Variants in USP32 observed in about 807,000 individuals in gnomAD.
The protein encoded by USP32 is ubiquitin carboxyl-terminal hydrolase 32.
In USP32, 59 loss-of-function variants were observed where a neutral mutation model predicts 204.8. The observed-to-expected ratio is 0.29, with a 90% CI of 0.23 to 0.36. The LOEUF (loss-of-function observed/expected upper bound fraction) is 0.36, where lower values mean the gene tolerates loss of function less well. USP32 is among the 10% of genes least tolerant of loss of function. USP32 has a pLI of 1.00. For synonymous variants in USP32, 517 were observed against 678.4 expected, an observed-to-expected ratio of 0.76 and a Z score of 3.70; for missense variants, 1,160 against 1,946.4, an observed-to-expected ratio of 0.60 and a Z score of 7.60.
At chr17:60,234,001 G>A (rs1054516679) in intron 12 of USP32, among the ~76,000 whole-genome samples, 4 of 152,094 alleles carry the variant, frequency 2.6e-5, no homozygotes, top group African/African-American at 4.8e-5. Context: ...CCAAACTGGA[G>A]TGTAGTGGTG....
chr17:60,294,682 C>A lies in USP32; in HGVS notation c.411+1G>T. The A allele has an allele frequency of 6.3e-7, 1 of 1,584,518 alleles. No homozygotes were observed. Among genetic ancestry groups the A allele is most frequent in the Non-Finnish European group, 8.6e-7 (1 of 1,158,516 alleles). The stretch of plus-strand genomic sequence containing the variant: ...GATAAAATGTAAATCTTTAACTATA[C>A]CTCTGAGAAACACTTCCTGAGTGTA... On this transcript the variant is annotated splice_donor_variant, in intron 4 of 33. Coordinates refer to ENST00000300896, the MANE Select transcript of USP32 (RefSeq NM_032582.4). LOFTEE classifies it high-confidence loss of function.
chr17:60,208,746 T>A lies in USP32; in HGVS notation c.2681A>T (p.Lys894Met). The stretch of plus-strand genomic sequence containing the variant: ...TCGGACACTTATATGCCCACATGTC[T>A]TGCATTTTACTTGAGATCTTAGCTG... Reference protein sequence around the residue: ...HGQLRSQVKCKTCGHISVRFD... With the variant: ...HGQLRSQVKCMTCGHISVRFD... Residue 894 changes from lysine to methionine, a missense_variant, in exon 23 of 34, where the codon AAG (lysine) becomes ATG (methionine). Physicochemically the swap from Lys to Met is moderately conservative, Grantham distance 95. Around this residue, in one of 8 missense-constraint regions of USP32, gnomAD observed 132 missense variants for 432.8 expected, o/e 0.30. Coordinates refer to ENST00000300896, the MANE Select transcript of USP32 (RefSeq NM_032582.4). 6.2e-7 allele frequency: 1 copy of A among 1,606,456 alleles called. No individual in the cohort carries two copies. Among genetic ancestry groups the A allele is most frequent in the Non-Finnish European group, 8.5e-7 (1 of 1,177,430 alleles).
At chr17:60,395,416 G>C (rs1483706812), upstream of USP32, among the ~76,000 whole-genome samples, 2 of 152,132 alleles carry the variant, frequency 1.3e-5, no homozygotes, top group Non-Finnish European at 2.9e-5. Context: ...GTGTCTGATG[G>C]GAATTTTAAG....
intron 26 of USP32, among the ~76,000 whole-genome samples, chr17:60,199,377 A>C (rs759072707): frequency 7.2e-5 from 11 of 152,152 alleles, no homozygotes; most frequent in Non-Finnish European, 1.5e-4. Context: ...ATTTGCTTTG[A>C]GTACGTTAAA....
chr17:60,357,830 G>A (rs190197829), intron 1 of USP32, among the ~76,000 whole-genome samples: 15 of 151,942 alleles, frequency 9.9e-5, no homozygotes, highest in African/African-American at 3.1e-4. Flanking sequence ...GTGCAATGGC[G>A]CAATCTCAAC....
intron 25 of USP32, among the ~76,000 whole-genome samples, chr17:60,206,106 C>G (rs2084818661): frequency 6.6e-6 from 1 of 150,752 alleles, no homozygotes; most frequent in African/African-American, 2.5e-5. Context: ...ATCCCTTGAA[C>G]CCAGGAGCTA....
At chr17:60,297,456 T>C (rs1331282758) in intron 3 of USP32, among the ~76,000 whole-genome samples, 1 of 151,830 alleles carries the variant, frequency 6.6e-6, no homozygotes, top group Non-Finnish European at 1.5e-5. Flanking sequence ...TCTTTTTTTT[T>C]TTTTCTTTTT....
intron 29 of USP32, among the ~76,000 whole-genome samples, chr17:60,186,756 G>A (rs2084262327): frequency 6.6e-6 from 1 of 152,176 alleles, no homozygotes; most frequent in East Asian, 1.9e-4. Context: ...TGGGGGTGGT[G>A]TAGAATGAAG....
chr17:60,187,319 A>G (rs979768747), intron 29 of USP32, among the ~76,000 whole-genome samples: 1 of 152,220 alleles, frequency 6.6e-6, no homozygotes, highest in African/African-American at 2.4e-5. Flanking sequence ...AGGGGAACTT[A>G]GAGGAAAATT....
At chr17:60,319,546 G>C (rs1343025159) in intron 2 of USP32, among the ~76,000 whole-genome samples, 1 of 152,230 alleles carries the variant, frequency 6.6e-6, no homozygotes, top group Non-Finnish European at 1.5e-5. Flanking sequence ...GGGAGGCTGA[G>C]GCGGGCAGAT....
rs554741909 is a variant in USP32 at position 60,363,542 on chromosome 17, G to T, written c.59-17934C>A. On this transcript the variant is annotated intron_variant, in intron 1 of 33. Coordinates refer to ENST00000300896, the MANE Select transcript of USP32 (RefSeq NM_032582.4). Reference sequence around the variant, plus strand: ...CAAAAAAAAAAAAATTTGAGACAGGGTCTCACTCTGTCGCCAAGGCTGGAG... The same window carrying T: ...CAAAAAAAAAAAAATTTGAGACAGGTTCTCACTCTGTCGCCAAGGCTGGAG... 9.9e-5 allele frequency among the ~76,000 whole-genome samples: 15 copies of T among 151,438 alleles called. No homozygotes were observed. The East Asian group carries it at 3.0e-3, about 30-fold the overall frequency.
intron 24 of USP32, among the ~76,000 whole-genome samples, chr17:60,207,385 G>A (rs961807086): frequency 4.6e-5 from 7 of 151,912 alleles, no homozygotes; most frequent in African/African-American, 1.7e-4. Flanking sequence ...AGTTTTGTCC[G>A]TTTCAGGGAT....
At chr17:60,247,678 T>C (rs530330362) in intron 11 of USP32, among the ~76,000 whole-genome samples, 1 of 135,026 alleles carries the variant, frequency 7.4e-6, no homozygotes, top group East Asian at 2.0e-4. Flanking sequence ...TTTGTTTTGG[T>C]TTTTTTTTTG....
intron 9 of USP32, among the ~76,000 whole-genome samples, chr17:60,260,664 G>A (rs1484540480): frequency 6.6e-6 from 1 of 151,364 alleles, no homozygotes; most frequent in Non-Finnish European, 1.5e-5. Context: ...AGTTTATGAA[G>A]TAAACATTTA....
chr17:60,258,628 A>T (rs1340862642), intron 9 of USP32, among the ~76,000 whole-genome samples: 1 of 152,170 alleles, frequency 6.6e-6, no homozygotes, highest in African/African-American at 2.4e-5. Flanking sequence ...CCTTTCCTAC[A>T]TTTTCTTTTC....
chr17:60,278,311 C>A (rs1399666264), intron 5 of USP32, among the ~76,000 whole-genome samples: 1 of 151,462 alleles, frequency 6.6e-6, no homozygotes, highest in Non-Finnish European at 1.5e-5. Flanking sequence ...GTGAACAAGA[C>A]AATTATGTTT....
Position 60,274,056 on chromosome 17 carries a change from G to GT in USP32, c.572-2576dup, listed in dbSNP as rs1206605781. 7.3e-5 allele frequency among the ~76,000 whole-genome samples: 11 copies of GT among 150,430 alleles called. No homozygotes were observed. The East Asian group carries it at 2.2e-3, about 29-fold the overall frequency. On this transcript the variant is annotated intron_variant, in intron 5 of 33. Coordinates refer to ENST00000300896, the MANE Select transcript of USP32 (RefSeq NM_032582.4). The stretch of plus-strand genomic sequence containing the variant: ...CAGGCAAAGCTTTAAAATGTCTATT[G>GT]TAAGTATCTCAGGAATTAAAGAAAA...
chr17:60,236,054 A>T, intron 12 of USP32, 84 bp downstream of exon 12: 1 of 1,044,132 alleles, frequency 9.6e-7, no homozygotes, highest in Non-Finnish European at 1.5e-6. Flanking sequence ...ATTGGCTGGT[A>T]GTCATAGCAT....
chr17:60,344,476 G>A (rs1194127120), intron 2 of USP32, among the ~76,000 whole-genome samples: 4 of 151,930 alleles, frequency 2.6e-5, no homozygotes, highest in African/African-American at 4.8e-5. Flanking sequence ...TTTTGAGACA[G>A]GGTCTCACTG....
Sources: allele counts gnomAD v4.1 joint callset (sites outside exome capture counted in the v4.1 genomes callset), GRCh38; gene constraint gnomAD v4.1.1; regional missense constraint gnomAD v4.1.1; transcripts MANE v1.5; gene names NCBI Gene and HGNC (gene_info 2026-07-23, HGNC 2026-07-21).